Variants in CYP46A1 observed in about 807,000 individuals in gnomAD.
CYP46A1 encodes cytochrome P450 family 46 subfamily A member 1.
A neutral mutation model predicts 63.3 loss-of-function variants in CYP46A1; 20 were observed. That is an observed-to-expected ratio of 0.32 (90% confidence interval 0.22 to 0.46). CYP46A1 has a LOEUF of 0.46. CYP46A1 is among the 20% of genes least tolerant of loss of function. The pLI is 1.00. For synonymous variants in CYP46A1, 268 were observed against 273.6 expected, an observed-to-expected ratio of 0.98 and a Z score of 0.20; for missense variants, 445 against 670.8, an observed-to-expected ratio of 0.66 and a Z score of 3.72.
chr14:99,714,504 T>C (rs1177899210), intron 7 of CYP46A1, among the ~76,000 whole-genome samples: 2 of 152,180 alleles, frequency 1.3e-5, no homozygotes. Flanking sequence ...TTCATGCCTG[T>C]AATCCCAGCA....
intron 3 of CYP46A1, chr14:99,695,432 T>C: frequency 2.3e-6 from 1 of 433,540 alleles, no homozygotes; most frequent in Admixed American, 2.6e-5. Flanking sequence ...CTACTTTCAG[T>C]TCCATTAGTT....
At chr14:99,700,875 C>T (rs1222912196) in intron 5 of CYP46A1, among the ~76,000 whole-genome samples, 1 of 152,160 alleles carries the variant, frequency 6.6e-6, no homozygotes, top group Non-Finnish European at 1.5e-5. Flanking sequence ...ATGACAGCTC[C>T]ATGCCTGTTA....
In CYP46A1 at chr14:99,726,980, T is replaced by G; in HGVS notation, c.*253T>G. On this transcript the variant is annotated 3_prime_UTR_variant, in exon 15 of 15. Coordinates refer to ENST00000261835, the MANE Select transcript of CYP46A1 (RefSeq NM_006668.2). ...ACCACTGTCCCTACCACTGAGCCCTTGCACAGGCCACTTGCTCAGACGAGA... is the reference window on the plus strand; with the variant it reads ...ACCACTGTCCCTACCACTGAGCCCTGGCACAGGCCACTTGCTCAGACGAGA... The G allele has an allele frequency of 2.5e-6, 1 of 401,768 alleles. No homozygotes were observed. The highest frequency in any genetic ancestry group is 4.4e-6 in the Non-Finnish European group (1 of 228,068). 24.9% of individuals were successfully genotyped at this position (401,768 alleles called of 1,614,324 possible). A position where few individuals can be genotyped will look rare whatever the true frequency, so the allele number is the denominator to read the frequency against.
At chr14:99,718,018 C>T (rs765537286) in intron 9 of CYP46A1, 36 bp from the exon 10 acceptor site, 2 of 1,561,262 alleles carry the variant, frequency 1.3e-6, no homozygotes, top group Admixed American at 1.7e-5. Flanking sequence ...ATCCTGTGGC[C>T]CCATGTGGAG....
chr14:99,712,422 A>G (rs910648499), intron 7 of CYP46A1: 6 of 152,210 alleles, frequency 3.9e-5, no homozygotes, highest in African/African-American at 1.4e-4. Flanking sequence ...AACTCTTAGA[A>G]CTGATGAATG....
chr14:99,715,754 G>C, intron 7 of CYP46A1, 56 bp from the exon 8 acceptor site: 1 of 1,610,810 alleles, frequency 6.2e-7, no homozygotes, highest in Non-Finnish European at 8.5e-7. Flanking sequence ...GTGGGGGAGA[G>C]GGGAGAGGGA....
intron 5 of CYP46A1, 181 bp from the exon 6 acceptor site, chr14:99,706,466 G>C: frequency 1.5e-6 from 1 of 663,902 alleles, no homozygotes; most frequent in East Asian, 2.7e-5. Context: ...GAAACCCCAG[G>C]GTGTAGTTCA....
chr14:99,705,702 G>A (rs773969121), intron 5 of CYP46A1, among the ~76,000 whole-genome samples: 41 of 152,198 alleles, frequency 2.7e-4, no homozygotes, highest in Non-Finnish European at 5.1e-4. Flanking sequence ...CAAGGTGGGT[G>A]GATCATGAGG....
intron 1 of CYP46A1, among the ~76,000 whole-genome samples, chr14:99,687,071 C>T (rs1566824439): frequency 6.6e-6 from 1 of 152,172 alleles, no homozygotes; most frequent in Non-Finnish European, 1.5e-5. Flanking sequence ...GGAACCCTCT[C>T]GCTGCAAGAG....
At chr14:99,721,678 G>C (rs894066239) in intron 11 of CYP46A1, among the ~76,000 whole-genome samples, 1 of 152,174 alleles carries the variant, frequency 6.6e-6, no homozygotes, top group Non-Finnish European at 1.5e-5. Flanking sequence ...AGGGCTTGCA[G>C]CTTCTGCTGT....
At position 99,726,172 on chromosome 14, in the gene CYP46A1, T is replaced by G. The variant is rs1364374029; in HGVS notation, c.1266-18T>G. 6.2e-7 allele frequency: 1 copy of G among 1,612,836 alleles called. No homozygotes were observed. Among genetic ancestry groups the G allele is most frequent in the Non-Finnish European group, 8.5e-7 (1 of 1,178,914 alleles). On this transcript the variant is annotated intron_variant, in intron 13 of 14. Coordinates refer to ENST00000261835, the MANE Select transcript of CYP46A1 (RefSeq NM_006668.2). ...CGCCTGGGGCTGCTGGCCTCGTGAT[T>G]CCTCTCTTTCCCTGCAGGCCACGGT...
At chr14:99,721,792 G>A (rs577521696) in intron 11 of CYP46A1, among the ~76,000 whole-genome samples, 164 bp from the exon 12 acceptor site, 4 of 152,092 alleles carry the variant, frequency 2.6e-5, no homozygotes, top group Admixed American at 6.5e-5. Context: ...CATCTGTCAC[G>A]TGACGGTGAG....
chr14:99,685,921 T>C, intron 1 of CYP46A1, among the ~76,000 whole-genome samples: 1 of 152,050 alleles, frequency 6.6e-6, no homozygotes, highest in South Asian at 2.1e-4. Flanking sequence ...CTCAGGGAGG[T>C]TCCTCCTGCT....
intron 7 of CYP46A1, chr14:99,709,287 A>T (rs2056708424): frequency 6.6e-6 from 1 of 152,220 alleles, no homozygotes; most frequent in Non-Finnish European, 1.5e-5. Context: ...ACAGATAAAA[A>T]TGCAAAGAAA....
intron 7 of CYP46A1, among the ~76,000 whole-genome samples, chr14:99,714,596 TAAAAATACA>T (rs1358317638): frequency 6.6e-6 from 1 of 151,620 alleles, no homozygotes; most frequent in Non-Finnish European, 1.5e-5. Flanking sequence ...CCATCTCTAC[TAAAAATACA>T]AAAAATTAGC....
chr14:99,697,201 G>A (rs1241413191), intron 3 of CYP46A1, among the ~76,000 whole-genome samples: 1 of 152,202 alleles, frequency 6.6e-6, no homozygotes, highest in African/African-American at 2.4e-5. Flanking sequence ...AAGACCTAAG[G>A]GACCCCATGC....
At chr14:99,707,753 T>TG (rs1365495990) in intron 7 of CYP46A1, 75 bp downstream of exon 7, 3 of 1,229,346 alleles carry the variant, frequency 2.4e-6, no homozygotes, top group Non-Finnish European at 3.4e-6. Flanking sequence ...CCTCCTTCAG[T>TG]GATTTTTTTT....
At chr14:99,721,862 G>A (rs548796437) in intron 11 of CYP46A1, 94 bp from the exon 12 acceptor site, 1 of 979,314 alleles carries the variant, frequency 1.0e-6, no homozygotes, top group South Asian at 1.4e-5. Context: ...CAGCCTGTGG[G>A]TGGGAAAGAC....
chr14:99,700,114 G>C lies in CYP46A1; in HGVS notation c.443+13G>C, dbSNP rs765667580. ...CCTTCAGCCGGAGGTGAGTGTGGCC[G>C]GAGGCTCCGTGGCTCCTGCCTGGCC... On this transcript the variant is annotated intron_variant, in intron 5 of 14. Transcript: ENST00000261835. 1 of 1,584,862 alleles carries C rather than the reference G, an allele frequency of 6.3e-7. No homozygotes were observed. The highest frequency in any genetic ancestry group is 1.7e-5 in the Admixed American group (1 of 58,690).
Sources: gnomAD v4.1 joint callset for allele counts (sites outside exome capture counted in the v4.1 genomes callset) on GRCh38, gnomAD v4.1.1 for gene constraint, MANE v1.5 for transcripts, NCBI Gene and HGNC (gene_info 2026-07-23, HGNC 2026-07-21) for gene names.